ATP11B: variants seen among roughly 807,000 people sequenced by gnomAD.
ATP11B encodes ATPase phospholipid transporting 11B (putative), also known as phospholipid-transporting ATPase IF.
In ATP11B, 81 loss-of-function variants were observed where a neutral mutation model predicts 157.8. The ratio of observed to expected loss-of-function variants is 0.51; its 90% confidence interval spans 0.43 to 0.62. ATP11B has a LOEUF of 0.62. ATP11B is among the 20% of genes least tolerant of loss of function. The probability of loss-of-function intolerance (pLI) is 0.00; values close to 1 mark genes in which losing one functional copy is unlikely to be tolerated. For missense variants in ATP11B, 1,165 were observed against 1,402.2 expected, an observed-to-expected ratio of 0.83 and a Z score of 2.70; for synonymous variants, 451 against 469.4, an observed-to-expected ratio of 0.96 and a Z score of 0.51.
rs935088105 is a variant in ATP11B at position 182,881,074 on chromosome 3, C to A, written c.2509+93C>A. 8 of 929,684 alleles carry A rather than the reference C, an allele frequency of 8.6e-6. No homozygotes were observed. The Admixed American group carries it at 8.7e-5, about 10-fold the overall frequency. The allele number at this position is 929,684 out of a possible 1,614,324, so 57.6% of individuals were successfully genotyped here. On this transcript the variant is annotated intron_variant, in intron 21 of 29. Coordinates refer to ENST00000323116, the MANE Select transcript of ATP11B (RefSeq NM_014616.3). ...AATTTTCTTTTTGTAGATTAAAGTA[C>A]AGTATCAAATTTGTGAATGAAAATT...
chr3:182,892,480 C>T (rs1723242800), intron 25 of ATP11B, among the ~76,000 whole-genome samples: 1 of 152,094 alleles, frequency 6.6e-6, no homozygotes, highest in African/African-American at 2.4e-5. Flanking sequence ...GAAGTCATTG[C>T]AAACCAAGTG....
intron 17 of ATP11B, among the ~76,000 whole-genome samples, chr3:182,871,819 C>CTT (rs745352501): frequency 1.4e-5 from 2 of 145,380 alleles, no homozygotes; most frequent in African/African-American, 2.5e-5. Flanking sequence ...TTTTGAGCAA[C>CTT]TTTTTTTTTT....
chr3:182,872,626 A>G (rs1721748721), intron 18 of ATP11B, 89 bp downstream of exon 18: 2 of 1,096,086 alleles, frequency 1.8e-6, no homozygotes, highest in Non-Finnish European at 2.6e-6. Context: ...AATTCTCTTT[A>G]CTAACATCCC....
chr3:182,846,518 A>G (rs900090574), intron 9 of ATP11B, among the ~76,000 whole-genome samples: 2 of 152,238 alleles, frequency 1.3e-5, no homozygotes, highest in Non-Finnish European at 2.9e-5. Flanking sequence ...GAAAACTTCT[A>G]CAAGAATGTT....
At chr3:182,907,188 G>A (rs1193850361) in intron 28 of ATP11B, among the ~76,000 whole-genome samples, 6 of 152,170 alleles carry the variant, frequency 3.9e-5, no homozygotes, top group African/African-American at 1.2e-4. Flanking sequence ...GACCTAATAG[G>A]GATATGCAGA....
intron 1 of ATP11B, among the ~76,000 whole-genome samples, chr3:182,794,171 G>A (rs1393198187): frequency 6.6e-6 from 1 of 152,248 alleles, no homozygotes; most frequent in Non-Finnish European, 1.5e-5. Context: ...GGAGATGAGA[G>A]AGGCGTGCTC....
At chr3:182,862,487 C>T (rs890733016) in intron 12 of ATP11B, among the ~76,000 whole-genome samples, 1 of 152,100 alleles carries the variant, frequency 6.6e-6, no homozygotes, top group Non-Finnish European at 1.5e-5. Context: ...AGATTCTGTC[C>T]AGTTCAGCCT....
intron 3 of ATP11B, among the ~76,000 whole-genome samples, chr3:182,829,069 T>C (rs897126044): frequency 6.6e-6 from 1 of 152,188 alleles, no homozygotes; most frequent in African/African-American, 2.4e-5. Flanking sequence ...TTTCTGCCCA[T>C]AGACCGTTCG....
intron 4 of ATP11B, among the ~76,000 whole-genome samples, chr3:182,832,999 CAGT>C (rs1576988646): frequency 6.6e-6 from 1 of 151,730 alleles, no homozygotes; most frequent in African/African-American, 2.4e-5. Context: ...TATTTCAAAT[CAGT>C]AGGTAAAATA....
intron 29 of ATP11B, chr3:182,915,304 T>C: frequency 1.0e-6 from 1 of 985,404 alleles, no homozygotes; most frequent in East Asian, 1.1e-4. Context: ...TAACGTGATC[T>C]GAAATATTTC....
intron 21 of ATP11B, 97 bp downstream of exon 21, chr3:182,881,078 A>C: frequency 2.6e-6 from 2 of 780,412 alleles, no homozygotes; most frequent in Admixed American, 6.5e-5. Context: ...AAAGTACAGT[A>C]TCAAATTTGT....
intron 28 of ATP11B, among the ~76,000 whole-genome samples, chr3:182,912,546 A>G: frequency 6.6e-6 from 1 of 152,316 alleles, no homozygotes; most frequent in East Asian, 1.9e-4. Flanking sequence ...GTAACGAAAG[A>G]ACAAGTCAAG....
rs141965825 is a variant in ATP11B at position 182,811,667 on chromosome 3, G to T, written c.28-8593G>T. The stretch of plus-strand genomic sequence containing the variant: ...CGGAAAATAATAGGTGGATAGAAAA[G>T]CCTGTAGAACACTAAGTATATGATT... On this transcript the variant is annotated intron_variant, in intron 1 of 29. Transcript: ENST00000323116. Among the ~76,000 whole-genome samples the T allele has an allele frequency of 5.3e-5, 8 of 152,216 alleles. No individual in the cohort carries two copies. In the East Asian group the frequency reaches 1.3e-3, roughly 26 times the overall value.
chr3:182,881,653 T>C (rs1722437511), intron 21 of ATP11B, among the ~76,000 whole-genome samples: 1 of 152,232 alleles, frequency 6.6e-6, no homozygotes, highest in South Asian at 2.1e-4. Context: ...AATTTTATCT[T>C]TGCCGATTAT....
intron 13 of ATP11B, 72 bp from the exon 14 acceptor site, chr3:182,866,196 T>C: frequency 1.7e-6 from 2 of 1,171,852 alleles, no homozygotes; most frequent in South Asian, 2.0e-5. Flanking sequence ...GATCTTAGAA[T>C]TTTGCCTCTG....
chr3:182,818,146 A>G (rs1717079434), intron 1 of ATP11B, among the ~76,000 whole-genome samples: 2 of 152,306 alleles, frequency 1.3e-5, no homozygotes, highest in South Asian at 4.1e-4. Context: ...GGCAGGAGCT[A>G]GTGTTTGGGG....
intron 12 of ATP11B, among the ~76,000 whole-genome samples, chr3:182,860,591 C>G (rs1389148947): frequency 6.6e-6 from 1 of 152,076 alleles, no homozygotes; most frequent in Non-Finnish European, 1.5e-5. Flanking sequence ...GATAACATGT[C>G]TTTCTATGTT....
chr3:182,883,594 C>T (rs577549380), intron 21 of ATP11B, among the ~76,000 whole-genome samples: 4 of 151,340 alleles, frequency 2.6e-5, no homozygotes, highest in South Asian at 2.1e-4. Context: ...CATTTTTATA[C>T]GTGTTTTTGT....
chr3:182,884,988 A>C, intron 22 of ATP11B, 90 bp downstream of exon 22: 1 of 748,868 alleles, frequency 1.3e-6, no homozygotes, highest in Admixed American at 3.2e-5. Context: ...TTTCTCTTTA[A>C]AATAGTTTCA....
Sources: gnomAD v4.1 joint callset for allele counts (sites outside exome capture counted in the v4.1 genomes callset) on GRCh38, gnomAD v4.1.1 for gene constraint, MANE v1.5 for transcripts, NCBI Gene and HGNC (gene_info 2026-07-23, HGNC 2026-07-21) for gene names.